The following PPP1R18 variants were observed in gnomAD, a reference collection of about 807,000 sequenced individuals.
PPP1R18 encodes the protein phostensin.
A neutral mutation model predicts 54.8 loss-of-function variants in PPP1R18; 31 were observed. The observed-to-expected ratio is 0.57, with a 90% CI of 0.43 to 0.76. The LOEUF (loss-of-function observed/expected upper bound fraction) is 0.76. Among genes scored for constraint, PPP1R18 ranks in the 30% least tolerant of loss-of-function variants. PPP1R18 has a pLI of 0.00. For missense variants in PPP1R18, 685 were observed against 776.1 expected (o/e 0.88, Z 1.39); for synonymous variants, 310 against 320.2 (o/e 0.97, Z 0.34).
Position 30,685,223 on chromosome 6 carries a change from C to T in PPP1R18, c.796G>A (p.Gly266Arg). 6.2e-7 allele frequency: 1 copy of T among 1,613,078 alleles called. No homozygotes were observed. The highest frequency in any genetic ancestry group is 1.1e-5 in the South Asian group (1 of 91,082). Residue 266 changes from glycine to arginine, a missense_variant, in exon 1 of 3, where the codon GGA becomes AGA. By Grantham distance (125) the Gly-to-Arg change is moderately radical. Transcript: ENST00000274853. This position sits in a 1 kb window ranked among gnomAD's most constrained non-coding sequence, Gnocchi z 5.0. ...LEATEWRLRS[G>R]EERQDYSEEC... ...TCCGAGTAGTCTTGTCTTTCTTCTC[C>T]TGACCTCAGCCTCCACTCTGTTGCC...
Position 30,680,377 on chromosome 6 carries a change from C to T in PPP1R18, c.1612-988G>A, listed in dbSNP as rs369564174. On this transcript the variant is annotated intron_variant, in intron 1 of 2. Coordinates refer to ENST00000274853, the MANE Select transcript of PPP1R18 (RefSeq NM_133471.4). Reference sequence around the variant, plus strand: ...AGACAGCAGGAGGATTCCATATGAACTACTTGGAAAGGTCCAAATGATCTA... The same window carrying T: ...AGACAGCAGGAGGATTCCATATGAATTACTTGGAAAGGTCCAAATGATCTA... Among the ~76,000 whole-genome samples the T allele has an allele frequency of 2.6e-5, 4 of 152,284 alleles. No homozygotes were observed. The East Asian group carries it at 7.7e-4, about 29-fold the overall frequency.
chr6:30,679,156 G>A (rs536840695), intron 2 of PPP1R18, 23 bp downstream of exon 2: 12 of 1,590,818 alleles, frequency 7.5e-6, no homozygotes, highest in Non-Finnish European at 1.0e-5. Context: ...GGGCGCCCTC[G>A]GGCCGGCGGA....
rs1770182510 is a variant in PPP1R18 at position 30,676,429 on chromosome 6, A to G, written c.*840T>C. On this transcript the variant is annotated 3_prime_UTR_variant, in exon 3 of 3. Coordinates refer to ENST00000274853, the MANE Select transcript of PPP1R18 (RefSeq NM_133471.4). ...TTTTATTATGGAAAGTTAAAAAACAAACAAAACAAAACAGGCAATTGATAA... is the reference window on the plus strand; with the variant it reads ...TTTTATTATGGAAAGTTAAAAAACAGACAAAACAAAACAGGCAATTGATAA... 6.6e-6 allele frequency: 1 copy of G among 152,204 alleles called. No homozygotes were observed. Among genetic ancestry groups the G allele is most frequent in the South Asian group, 2.1e-4 (1 of 4,840 alleles). The allele number at this position is 152,204 out of a possible 1,614,324, so 9.4% of individuals were successfully genotyped here.
At chr6:30,678,383 T>C (rs1485298613) in intron 2 of PPP1R18, among the ~76,000 whole-genome samples, 6 of 151,626 alleles carry the variant, frequency 4.0e-5, no homozygotes, top group Non-Finnish European at 5.9e-5. Context: ...CTAATTTTTT[T>C]TTTTTTTTTT....
chr6:30,685,379 G>T lies in PPP1R18; in HGVS notation c.640C>A (p.Pro214Thr). Reference sequence around the variant, plus strand: ...CTACTTTCCACCTCTTTTCTCCTGGGGCTTTGCTCTCGAGACTCTGCTAGT... The same window carrying T: ...CTACTTTCCACCTCTTTTCTCCTGGTGCTTTGCTCTCGAGACTCTGCTAGT... ...LRLAESREQSPRRKEVESRLS... is the reference protein window; with the variant it reads ...LRLAESREQSTRRKEVESRLS... The change falls in exon 1 of 3, where the codon CCC becomes ACC. Residue 214 changes from proline to threonine, a missense_variant. Physicochemically the swap from Pro to Thr is conservative, Grantham distance 38. Transcript: ENST00000274853. This position sits in a 1 kb window ranked among gnomAD's most constrained non-coding sequence, Gnocchi z 5.0. 2 of 1,612,988 alleles carry T rather than the reference G, an allele frequency of 1.2e-6. No homozygotes were observed. The highest frequency in any genetic ancestry group is 1.1e-5 in the South Asian group (1 of 91,072).
At position 30,676,951 on chromosome 6, in the gene PPP1R18, A is replaced by AC; in HGVS notation, c.*317dup. The AC allele has an allele frequency of 9.6e-6, 5 of 518,262 alleles. No homozygotes were observed. The highest frequency in any genetic ancestry group is 1.7e-5 in the Non-Finnish European group (5 of 292,054). The allele number at this position is 518,262 out of a possible 1,614,324, so 32.1% of individuals were successfully genotyped here. On this transcript the variant is annotated 3_prime_UTR_variant, in exon 3 of 3. Coordinates refer to ENST00000274853, the MANE Select transcript of PPP1R18 (RefSeq NM_133471.4). ...GGGAGGAAGGCTGTGGGGAGAGTGTACCCTGCCATGGGGGGCAGGTGCTCC... is the reference window on the plus strand; with the variant it reads ...GGGAGGAAGGCTGTGGGGAGAGTGTACCCCTGCCATGGGGGGCAGGTGCTCC...
chr6:30,686,413 T>G lies in PPP1R18; in HGVS notation c.-395A>C. On this transcript the variant is annotated 5_prime_UTR_variant, in exon 1 of 3. Transcript: ENST00000274853. Reference sequence around the variant, plus strand: ...GTTGGCGTGAGGGAGAAGAGAGAAATGTGGCAGGGGTGAGGGGAACCTGGG... The same window carrying G: ...GTTGGCGTGAGGGAGAAGAGAGAAAGGTGGCAGGGGTGAGGGGAACCTGGG... 2.0e-5 allele frequency: 4 copies of G among 199,050 alleles called. No individual in the cohort carries two copies. The highest frequency in any genetic ancestry group is 3.0e-5 in the Non-Finnish European group (3 of 99,120). 12.3% of individuals were successfully genotyped at this position (199,050 alleles called of 1,614,324 possible). A position where few individuals can be genotyped will look rare whatever the true frequency, so the allele number is the denominator to read the frequency against.
At chr6:30,679,131 C>A (rs914663587) in intron 2 of PPP1R18, 48 bp downstream of exon 2, 1 of 1,536,062 alleles carries the variant, frequency 6.5e-7, no homozygotes, top group Non-Finnish European at 8.9e-7. Flanking sequence ...CCACAGCGCC[C>A]GCTCTGACAG....
chr6:30,680,527 A>T (rs1232200952), intron 1 of PPP1R18, among the ~76,000 whole-genome samples: 2 of 152,100 alleles, frequency 1.3e-5, no homozygotes, highest in East Asian at 3.9e-4. Flanking sequence ...GGTTGTTAAG[A>T]GCTGCATCAA....
At chr6:30,679,134 T>C (rs776839755) in intron 2 of PPP1R18, 45 bp downstream of exon 2, 2 of 1,551,618 alleles carry the variant, frequency 1.3e-6, no homozygotes, top group South Asian at 1.1e-5. Context: ...CAGCGCCCGC[T>C]CTGACAGCAG....
At chr6:30,679,152 C>G in intron 2 of PPP1R18, 27 bp downstream of exon 2, 1 of 1,589,644 alleles carries the variant, frequency 6.3e-7, no homozygotes, top group South Asian at 1.1e-5. Context: ...CAGGGGGCGC[C>G]CTCGGGCCGG....
chr6:30,688,042 T>C (rs1282871768), upstream of PPP1R18: 1 of 153,002 alleles, frequency 6.5e-6, no homozygotes, highest in African/African-American at 2.4e-5. This position sits in a 1 kb window ranked among gnomAD's most constrained non-coding sequence, Gnocchi z 5.9. Context: ...ACAGACTGCA[T>C]GCCATATGTA....
At position 30,685,050 on chromosome 6, in the gene PPP1R18, C is replaced by T. The variant is rs1327509245; in HGVS notation, c.969G>A (p.Glu323=). ...ACCCTTCTGTTGGCTTCATGCCCCTCTCGCCATCTTCCACAGGCCTCTGCT... is the reference window on the plus strand; with the variant it reads ...ACCCTTCTGTTGGCTTCATGCCCCTTTCGCCATCTTCCACAGGCCTCTGCT... The part of the protein sequence containing the change: ...AAEQRPVEDG[E]RGMKPTEGWK... The change falls in exon 1 of 3, where the codon GAG becomes GAA. Residue 323 remains glutamate, a synonymous_variant. Transcript: ENST00000274853. This position sits in a 1 kb window ranked among gnomAD's most constrained non-coding sequence, Gnocchi z 5.0. 6.2e-7 allele frequency: 1 copy of T among 1,613,296 alleles called. No individual in the cohort carries two copies.
rs781480401 is a variant in PPP1R18 at position 30,685,491 on chromosome 6, T to C, written c.528A>G (p.Pro176=). The stretch of plus-strand genomic sequence containing the variant: ...GGGAGCTCCTGTCTCCCACCTCTCC[T>C]GGGCTTTGCCTCCAGTCCCGAGCCT... ...PLEARDWRQS[P]GEVGDRSSRL... The change falls in exon 1 of 3, where the codon CCA becomes CCG. Residue 176 remains proline, a synonymous_variant. Coordinates refer to ENST00000274853, the MANE Select transcript of PPP1R18 (RefSeq NM_133471.4). This position sits in a 1 kb window ranked among gnomAD's most constrained non-coding sequence, Gnocchi z 5.0. 1 of 1,613,004 alleles carries C rather than the reference T, an allele frequency of 6.2e-7. No homozygotes were observed. The highest frequency in any genetic ancestry group is 8.5e-7 in the Non-Finnish European group (1 of 1,180,030).
intron 1 of PPP1R18, 56 bp from the exon 2 acceptor site, chr6:30,679,445 G>A (rs1247894048): frequency 8.3e-7 from 1 of 1,208,056 alleles, no homozygotes; most frequent in South Asian, 1.4e-5. Flanking sequence ...AGAAGCCCGC[G>A]GGGGTTGAGG....
chr6:30,677,183 T>C lies in PPP1R18; in HGVS notation c.*86A>G, dbSNP rs761614115. 7.8e-7 allele frequency: 1 copy of C among 1,282,818 alleles called. No individual in the cohort carries two copies. Among genetic ancestry groups the C allele is most frequent in the Non-Finnish European group, 1.1e-6 (1 of 878,924 alleles). 79.5% of individuals were successfully genotyped at this position (1,282,818 alleles called of 1,614,324 possible). A position where few individuals can be genotyped will look rare whatever the true frequency, so the allele number is the denominator to read the frequency against. ...TTGCCCTTCCCTGCCAGGCTCATTATCAGGGTCTGTCTGCCCTGAATCTTC... is the reference window on the plus strand; with the variant it reads ...TTGCCCTTCCCTGCCAGGCTCATTACCAGGGTCTGTCTGCCCTGAATCTTC... On this transcript the variant is annotated 3_prime_UTR_variant, in exon 3 of 3. Coordinates refer to ENST00000274853, the MANE Select transcript of PPP1R18 (RefSeq NM_133471.4).
At position 30,686,578 on chromosome 6, in the gene PPP1R18, AGAG is replaced by A; in HGVS notation, c.-563_-561del. Reference sequence around the variant, plus strand: ...GGAGGGGCGGAGAGCGAACAGGTCTAGAGGAGAAGGGAAACCAGGGAAGAGGGG... The same window carrying A: ...GGAGGGGCGGAGAGCGAACAGGTCTAGAGAAGGGAAACCAGGGAAGAGGGG... On this transcript the variant is annotated 5_prime_UTR_variant, in exon 1 of 3. Transcript: ENST00000274853. 1 of 156,304 alleles carries A rather than the reference AGAG, an allele frequency of 6.4e-6. No homozygotes were observed. Among genetic ancestry groups the A allele is most frequent in the Non-Finnish European group, 1.4e-5 (1 of 70,560 alleles). The allele number at this position is 156,304 out of a possible 1,614,324, so 9.7% of individuals were successfully genotyped here.
At position 30,676,947 on chromosome 6, in the gene PPP1R18, G is replaced by A; in HGVS notation, c.*322C>T. The A allele has an allele frequency of 3.9e-6, 2 of 513,446 alleles. No individual in the cohort carries two copies. Among genetic ancestry groups the A allele is most frequent in the African/African-American group, 3.9e-5 (2 of 50,648 alleles). 31.8% of individuals were successfully genotyped at this position (513,446 alleles called of 1,614,324 possible). On this transcript the variant is annotated 3_prime_UTR_variant, in exon 3 of 3. Transcript: ENST00000274853. ...GGTGGGGAGGAAGGCTGTGGGGAGA[G>A]TGTACCCTGCCATGGGGGGCAGGTG...
chr6:30,679,260 C>T lies in PPP1R18; in HGVS notation c.1741G>A (p.Asp581Asn). The T allele has an allele frequency of 3.8e-6, 6 of 1,567,190 alleles. No homozygotes were observed. The highest frequency in any genetic ancestry group is 5.2e-6 in the Non-Finnish European group (6 of 1,156,358). The change falls in exon 2 of 3, where the codon GAC (aspartate) becomes AAC (asparagine). Residue 581 changes from aspartate to asparagine, a missense_variant. Coordinates refer to ENST00000274853, the MANE Select transcript of PPP1R18 (RefSeq NM_133471.4). The stretch of plus-strand genomic sequence containing the variant: ...AGCTCTTCCTCATCCTCTTCGTCGT[C>T]GGGTTGGGCTGCTGGAGGGTTGGGG... The part of the protein sequence containing the change: ...SAPNPPAAQP[D>N]DEEDEEELLL...
Sources: gnomAD v4.1 joint callset for allele counts (sites outside exome capture counted in the v4.1 genomes callset) on GRCh38, gnomAD v4.1.1 for gene constraint, Gnocchi (gnomAD v3.1) non-coding constraint, MANE v1.5 for transcripts, NCBI Gene and HGNC (gene_info 2026-07-23, HGNC 2026-07-21) for gene names.